Variants in NDUFS1 observed in about 807,000 individuals in gnomAD.
NDUFS1 encodes NADH:ubiquinone oxidoreductase core subunit S1.
In NDUFS1, 61 loss-of-function variants were observed where a neutral mutation model predicts 84.4. That is an observed-to-expected ratio of 0.72 (90% CI 0.59 to 0.89). NDUFS1 has a LOEUF of 0.89. NDUFS1 is among the 40% of genes least tolerant of loss of function. The pLI is 0.00. For missense variants in NDUFS1, 891 were observed against 890.0 expected, an observed-to-expected ratio of 1.00 and a Z score of -0.01; for synonymous variants, 275 against 290.0, an observed-to-expected ratio of 0.95 and a Z score of 0.53.
At position 206,116,054 on chromosome 2, in the gene NDUFS1, A is replaced by C. The variant is rs1690935204; in HGVS notation, c.*8131T>G. 2 of 907,350 alleles carry C rather than the reference A, an allele frequency of 2.2e-6. No individual in the cohort carries two copies. Among genetic ancestry groups the C allele is most frequent in the Non-Finnish European group, 3.7e-6 (2 of 536,358 alleles). The allele number at this position is 907,350 out of a possible 1,614,324, so 56.2% of individuals were successfully genotyped here. A position where few individuals can be genotyped will look rare whatever the true frequency, so the allele number is the denominator to read the frequency against. ...TAAGTCTTCTATCCACCACTAATTT[A>C]GGACAACTCTGCTGGGTTGCGTTAT... On this transcript the variant is annotated 3_prime_UTR_variant, in exon 19 of 19. Coordinates refer to ENST00000233190, the MANE Select transcript of NDUFS1 (RefSeq NM_005006.7).
chr2:206,125,765 G>A (rs1691270079), intron 18 of NDUFS1, among the ~76,000 whole-genome samples: 1 of 151,594 alleles, frequency 6.6e-6, no homozygotes, highest in Non-Finnish European at 1.5e-5. Context: ...GAGGAATTAA[G>A]CCCAGTACCC....
At chr2:206,127,587 T>G in intron 16 of NDUFS1, 1 of 565,966 alleles carries the variant, frequency 1.8e-6, no homozygotes, top group Non-Finnish European at 3.1e-6. Flanking sequence ...AGGGTCTTGC[T>G]CTGTCCCTCA....
rs150920947 is a variant in NDUFS1, at chr2:206,147,785, T to C, written c.388A>G (p.Ile130Val). 33 of 1,614,010 alleles carry C rather than the reference T, an allele frequency of 2.0e-5. No individual in the cohort carries two copies. Among genetic ancestry groups the C allele is most frequent in the Non-Finnish European group, 2.7e-5 (32 of 1,179,992 alleles). The change falls in exon 6 of 19, where the codon ATT becomes GTT. Residue 130 changes from isoleucine to valine, a missense_variant. By Grantham distance (29) the Ile-to-Val change is conservative. Transcript: ENST00000233190. ...LLANHPLDCP[I>V]CDQGGECDLQ... The stretch of plus-strand genomic sequence containing the variant: ...TCACATTCACCTCCCTGGTCACAAA[T>C]AGGACAGTCCAATGGGTGATTTGCT...
intron 5 of NDUFS1, 133 bp downstream of exon 5, chr2:206,148,887 G>T: frequency 1.4e-6 from 1 of 691,400 alleles, no homozygotes; most frequent in South Asian, 1.6e-5. Context: ...CACTTCTATT[G>T]CTCCTAGAAG....
chr2:206,152,298 T>C (rs1346493314), intron 3 of NDUFS1, 121 bp downstream of exon 3: 5 of 756,724 alleles, frequency 6.6e-6, no homozygotes, highest in Non-Finnish European at 8.9e-6. Context: ...AATTTTAATA[T>C]AACTTTGCTG....
intron 13 of NDUFS1, among the ~76,000 whole-genome samples, chr2:206,137,778 A>C (rs1691777408): frequency 1.3e-5 from 2 of 152,220 alleles, no homozygotes; most frequent in Admixed American, 1.3e-4. Context: ...TGTACCTCAG[A>C]AACAAAAATA....
At chr2:206,140,966 T>C (rs1691923964) in intron 12 of NDUFS1, among the ~76,000 whole-genome samples, 1 of 92,156 alleles carries the variant, frequency 1.1e-5, no homozygotes, top group Admixed American at 1.1e-4. Context: ...AGAATCATAA[T>C]ACAAATATGG....
chr2:206,132,320 A>G (rs1691544226), intron 14 of NDUFS1, among the ~76,000 whole-genome samples: 1 of 151,678 alleles, frequency 6.6e-6, no homozygotes, highest in South Asian at 2.1e-4. Context: ...GCAGTGGCTC[A>G]CGCTTATAAT....
At chr2:206,127,543 C>T in intron 16 of NDUFS1, 1 of 390,286 alleles carries the variant, frequency 2.6e-6, no homozygotes, top group Non-Finnish European at 4.6e-6. Context: ...AAAATAAAAG[C>T]ACCAATTTCA....
rs1290864252 is a variant in NDUFS1 at position 206,114,887 on chromosome 2, C to A, written c.*9298G>T. The stretch of plus-strand genomic sequence containing the variant: ...ACACACGTAAGCATATACATATATA[C>A]ACACACACACATTATTGTACACTTA... On this transcript the variant is annotated 3_prime_UTR_variant, in exon 19 of 19. Coordinates refer to ENST00000233190, the MANE Select transcript of NDUFS1 (RefSeq NM_005006.7). 3 of 151,920 alleles carry A rather than the reference C, an allele frequency of 2.0e-5. No homozygotes were observed. The highest frequency in any genetic ancestry group is 4.4e-5 in the Non-Finnish European group (3 of 67,988). 9.4% of individuals were successfully genotyped at this position (151,920 alleles called of 1,614,324 possible). A position where few individuals can be genotyped will look rare whatever the true frequency, so the allele number is the denominator to read the frequency against.
intron 1 of NDUFS1, among the ~76,000 whole-genome samples, chr2:206,158,393 A>C (rs974552738): frequency 6.6e-6 from 1 of 152,204 alleles, no homozygotes; most frequent in East Asian, 1.9e-4. Flanking sequence ...TTGGCTTAAA[A>C]GCCTTTTCTC....
chr2:206,149,053 A>T lies in NDUFS1; in HGVS notation c.305T>A (p.Ile102Asn). Residue 102 changes from isoleucine to asparagine, a missense_variant, in exon 5 of 19, where the codon ATC becomes AAC. By Grantham distance (149) the Ile-to-Asn change is moderately radical. Coordinates refer to ENST00000233190, the MANE Select transcript of NDUFS1 (RefSeq NM_005006.7). ...CAMPVMKGWN[I>N]LTNSEKSKKA... ...TTTGGATTTTTCTGAGTTTGTTAGG[A>T]TATTCCAACCCTTCATTACTGGCAT... The T allele has an allele frequency of 6.2e-7, 1 of 1,613,544 alleles. No homozygotes were observed. Among genetic ancestry groups the T allele is most frequent in the Non-Finnish European group, 8.5e-7 (1 of 1,179,698 alleles).
At chr2:206,127,067 TGAA>T (rs1691321709) in intron 16 of NDUFS1, among the ~76,000 whole-genome samples, 1 of 152,190 alleles carries the variant, frequency 6.6e-6, no homozygotes, top group Non-Finnish European at 1.5e-5. Flanking sequence ...CTCTATGAAA[TGAA>T]GAGACAATAC....
chr2:206,150,111 G>A (rs1057311863), intron 3 of NDUFS1, among the ~76,000 whole-genome samples, 186 bp from the exon 4 acceptor site: 12 of 151,750 alleles, frequency 7.9e-5, no homozygotes, highest in Non-Finnish European at 1.5e-4. Context: ...CGTCTCCTCT[G>A]AAGCTGCCTC....
In NDUFS1 at chr2:206,144,942, C is replaced by G; in HGVS notation, c.822G>C (p.Leu274Phe). Residue 274 changes from leucine to phenylalanine, a missense_variant, in exon 9 of 19, where the codon TTG becomes TTC. Physicochemically the swap from Leu to Phe is conservative, Grantham distance 22. Coordinates refer to ENST00000233190, the MANE Select transcript of NDUFS1 (RefSeq NM_005006.7). ...STRTGEVMRI[L>F]PRMHEDINEE... ...CATTGATGTCCTCATGCATACGTGG[C>G]AAAATCCTCATCACTTCTCCAGTTC... The G allele has an allele frequency of 3.1e-6, 5 of 1,614,044 alleles. No individual in the cohort carries two copies. Among genetic ancestry groups the G allele is most frequent in the Non-Finnish European group, 4.2e-6 (5 of 1,179,964 alleles).
Position 206,127,867 on chromosome 2 carries a change from T to C in NDUFS1, c.1814A>G (p.Gln605Arg). 6.2e-7 allele frequency: 1 copy of C among 1,614,152 alleles called. No homozygotes were observed. Among genetic ancestry groups the C allele is most frequent in the East Asian group, 2.2e-5 (1 of 44,866 alleles). The stretch of plus-strand genomic sequence containing the variant: ...AGGAGGTGTCACTGCTACCTTAGTC[T>C]GCTGAGCTCTACCCTCAGTGTTGAC... ...TYVNTEGRAQ[Q>R]TKVAVTPPGL... is the part of the protein sequence containing the mutation. Residue 605 changes from glutamine (Q) to arginine (R), a missense_variant, in exon 16 of 19, where the codon CAG (glutamine) becomes CGG (arginine). Transcript: ENST00000233190.
At chr2:206,147,974 G>A in intron 5 of NDUFS1, 140 bp from the exon 6 acceptor site, 3 of 789,554 alleles carry the variant, frequency 3.8e-6, no homozygotes, top group Non-Finnish European at 4.3e-6. Flanking sequence ...CTGCAGTGCA[G>A]TGGCACAATC....
intron 4 of NDUFS1, 26 bp from the exon 5 acceptor site, chr2:206,149,122 T>A (rs761343370): frequency 1.6e-4 from 234 of 1,466,846 alleles, no homozygotes; most frequent in Non-Finnish European, 2.2e-4. Context: ...AAAAAAAAAA[T>A]GTGTATTTGT....
chr2:206,126,943 C>T, intron 16 of NDUFS1, 99 bp from the exon 17 acceptor site: 2 of 1,437,000 alleles, frequency 1.4e-6, no homozygotes, highest in Non-Finnish European at 1.9e-6. Context: ...TGCAGCACTA[C>T]TGAAAAACCT....
Sources: allele counts gnomAD v4.1 joint callset (sites outside exome capture counted in the v4.1 genomes callset), GRCh38; gene constraint gnomAD v4.1.1; transcripts MANE v1.5; gene names NCBI Gene and HGNC (gene_info 2026-07-23, HGNC 2026-07-21).